OSBPL3: variants seen among roughly 807,000 people sequenced by gnomAD.
OSBPL3 encodes oxysterol-binding protein-related protein 3.
OSBPL3 carries 65 observed loss-of-function variants against 120.1 expected under a neutral mutation model. The ratio of observed to expected loss-of-function variants is 0.54; its 90% CI spans 0.44 to 0.67. OSBPL3 has a LOEUF of 0.67. Ranked by LOEUF, OSBPL3 falls within the 30% of genes least tolerant of loss-of-function variation. The pLI is 0.00. For synonymous variants in OSBPL3, 416 were observed against 402.6 expected (o/e 1.03, Z -0.40); for missense variants, 1,004 against 1,082.1 (o/e 0.93, Z 1.01).
chr7:24,957,844 G>A (rs1305447361), intron 1 of OSBPL3, among the ~76,000 whole-genome samples: 1 of 152,090 alleles, frequency 6.6e-6, no homozygotes, highest in Admixed American at 6.5e-5. Flanking sequence ...TTCTGTACTT[G>A]TTTTATCAGA....
At chr7:24,927,818 C>T (rs1811248378) in intron 1 of OSBPL3, among the ~76,000 whole-genome samples, 1 of 152,156 alleles carries the variant, frequency 6.6e-6, no homozygotes, top group African/African-American at 2.4e-5. Context: ...TCTCACTACC[C>T]TATCTCTTTT....
chr7:24,911,447 T>G (rs2128418636), intron 1 of OSBPL3, among the ~76,000 whole-genome samples: 1 of 152,322 alleles, frequency 6.6e-6, no homozygotes, highest in African/African-American at 2.4e-5. Context: ...AAAAATCAAC[T>G]TATCATCTTT....
In OSBPL3 at chr7:24,822,391, G is replaced by C. The variant is rs965487399; in HGVS notation, c.1885-2153C>G. On this transcript the variant is annotated intron_variant, in intron 16 of 22. Transcript: ENST00000313367. This position sits in a 1 kb window ranked among gnomAD's most constrained non-coding sequence, Gnocchi z 5.8. ...AAGGATCCCTTGAGCCCAGGATCCAGGAGTTCAAGACCAGCCTGGGCAACA... is the reference window on the plus strand; with the variant it reads ...AAGGATCCCTTGAGCCCAGGATCCACGAGTTCAAGACCAGCCTGGGCAACA... Among the ~76,000 whole-genome samples the C allele has an allele frequency of 2.0e-5, 3 of 152,202 alleles. No homozygotes were observed. The highest frequency in any genetic ancestry group is 3.4e-3 in the Middle Eastern group (1 of 294).
chr7:24,927,654 T>C (rs1475560825), intron 1 of OSBPL3, among the ~76,000 whole-genome samples: 1 of 152,176 alleles, frequency 6.6e-6, no homozygotes, highest in Non-Finnish European at 1.5e-5. Flanking sequence ...CACTTGCTTG[T>C]AGTTATGTCT....
At chr7:24,980,835 G>A (rs375289947), upstream of OSBPL3, among the ~76,000 whole-genome samples, 12 of 152,252 alleles carry the variant, frequency 7.9e-5, no homozygotes, top group East Asian at 9.7e-4. Flanking sequence ...GGGGTAGGAG[G>A]TGGGGAGAGC....
chr7:24,889,611 G>T (rs1168943272), intron 2 of OSBPL3, among the ~76,000 whole-genome samples: 1 of 151,846 alleles, frequency 6.6e-6, no homozygotes, highest in East Asian at 1.9e-4. Flanking sequence ...GAAAAAAAAA[G>T]AATAATGTGG....
At chr7:24,950,604 C>A (rs1259659141) in intron 1 of OSBPL3, among the ~76,000 whole-genome samples, 1 of 152,204 alleles carries the variant, frequency 6.6e-6, no homozygotes, top group African/African-American at 2.4e-5. Flanking sequence ...TGCCTGTAGT[C>A]CCAGCTACTT....
At position 24,806,837 on chromosome 7, in the gene OSBPL3, T is replaced by G; in HGVS notation, c.2383A>C (p.Met795Leu). ...FTQFALELNE[M>L]DPSSKSLLPP... Reference sequence around the variant, plus strand: ...AATAAAGACTTTGATGATGGATCCATTTCATTTAATTCCAGCGCAAACTGT... The same window carrying G: ...AATAAAGACTTTGATGATGGATCCAGTTCATTTAATTCCAGCGCAAACTGT... Residue 795 changes from methionine to leucine, a missense_variant, in exon 21 of 23, where the codon ATG becomes CTG. By Grantham distance (15) the Met-to-Leu change is conservative (BLOSUM62 2). Around this residue, in one of 4 missense-constraint regions of OSBPL3, gnomAD observed 473 missense variants for 568.0 expected, o/e 0.83. Transcript: ENST00000313367. The surrounding 1 kb of genome is among the most constrained non-coding windows in gnomAD (Gnocchi z 5.2). The G allele has an allele frequency of 6.2e-7, 1 of 1,613,420 alleles. No individual in the cohort carries two copies.
In OSBPL3 at chr7:24,972,858, A is replaced by G. The variant is rs772395195; in HGVS notation, c.-150+7028T>C. Reference sequence around the variant, plus strand: ...ATATTTGTTTTATAAGATGTAAACTATAATTTTAAAGTTCTTGTAACTATT... The same window carrying G: ...ATATTTGTTTTATAAGATGTAAACTGTAATTTTAAAGTTCTTGTAACTATT... On this transcript the variant is annotated intron_variant, in intron 1 of 22. Coordinates refer to ENST00000313367, the MANE Select transcript of OSBPL3 (RefSeq NM_015550.4). This position sits in a 1 kb window ranked among gnomAD's most constrained non-coding sequence, Gnocchi z 4.3. Among the ~76,000 whole-genome samples, 1 of 152,224 alleles carries G rather than the reference A, an allele frequency of 6.6e-6. No individual in the cohort carries two copies. The highest frequency in any genetic ancestry group is 1.5e-5 in the Non-Finnish European group (1 of 68,044).
At chr7:24,876,542 T>C (rs180679161) in intron 2 of OSBPL3, among the ~76,000 whole-genome samples, 48 of 152,284 alleles carry the variant, frequency 3.2e-4, no homozygotes, top group African/African-American at 1.2e-3. Context: ...AGTATATATT[T>C]AGTAGGAACT....
In OSBPL3 at chr7:24,872,092, G is replaced by A. The variant is rs374718413; in HGVS notation, c.97-23C>T. 9.7e-6 allele frequency: 14 copies of A among 1,442,656 alleles called. No homozygotes were observed. Among genetic ancestry groups the A allele is most frequent in the African/African-American group, 4.2e-5 (3 of 71,542 alleles). 89.4% of individuals were successfully genotyped at this position (1,442,656 alleles called of 1,614,324 possible). ...GTCCTGTTCCAACAAAAGAGTTCAT[G>A]TTAAATGTCTATCTTTTTGAAAAAT... On this transcript the variant is annotated intron_variant, in intron 2 of 22. Coordinates refer to ENST00000313367, the MANE Select transcript of OSBPL3 (RefSeq NM_015550.4). This position sits in a 1 kb window ranked among gnomAD's most constrained non-coding sequence, Gnocchi z 4.1.
At chr7:24,866,793 G>GT (rs1801378398) in intron 5 of OSBPL3, among the ~76,000 whole-genome samples, 4 of 152,248 alleles carry the variant, frequency 2.6e-5, no homozygotes, top group Admixed American at 1.3e-4. Flanking sequence ...CTTTCTATGA[G>GT]TAAGTCCAAC....
chr7:24,930,929 C>T lies in OSBPL3; in HGVS notation c.-149-38308G>A, dbSNP rs2391007. 0.64 allele frequency among the ~76,000 whole-genome samples: 97,641 copies of T among 152,080 alleles called. 31,537 individuals are homozygous for T. The highest frequency in any genetic ancestry group is 0.66 in the African/African-American group (27,366 of 41,460). On this transcript the variant is annotated intron_variant, in intron 1 of 22. Transcript: ENST00000313367. This position sits in a 1 kb window ranked among gnomAD's most constrained non-coding sequence, Gnocchi z 4.4. ...CATACATGGTAGAATGTGAAGATGA[C>T]TTTTTTAATTCCAAAAATTATTTAA...
chr7:24,815,386 G>A lies in OSBPL3; in HGVS notation c.2028-183C>T, dbSNP rs894266462. ...TCTAGGAGCTTCCACTCTCCAAGGA[G>A]GCATGCATGCCACAGAGAATGACAG... On this transcript the variant is annotated intron_variant, in intron 18 of 22. Transcript: ENST00000313367. The surrounding 1 kb of genome is among the most constrained non-coding windows in gnomAD (Gnocchi z 5.1). Among the ~76,000 whole-genome samples the A allele has an allele frequency of 1.2e-4, 18 of 152,160 alleles. No individual in the cohort carries two copies. The highest frequency in any genetic ancestry group is 4.3e-4 in the African/African-American group (18 of 41,424).
rs1791901301 is a variant in OSBPL3 at position 24,798,002 on chromosome 7, A to G, written c.*2181T>C. ...GCTTATAATATCAGGATGCATCACC[A>G]AGCTGTTTAAATTTCAGAAAAGCCC... On this transcript the variant is annotated 3_prime_UTR_variant, in exon 23 of 23. Transcript: ENST00000313367. This position sits in a 1 kb window ranked among gnomAD's most constrained non-coding sequence, Gnocchi z 4.6. 1 of 152,204 alleles carries G rather than the reference A, an allele frequency of 6.6e-6. No individual in the cohort carries two copies. Among genetic ancestry groups the G allele is most frequent in the Non-Finnish European group, 1.5e-5 (1 of 68,038 alleles). The allele number at this position is 152,204 out of a possible 1,614,324, so 9.4% of individuals were successfully genotyped here.
chr7:24,917,993 C>G, intron 1 of OSBPL3: 1 of 719,452 alleles, frequency 1.4e-6, no homozygotes, highest in Non-Finnish European at 1.7e-6. Flanking sequence ...ACGATCCTGT[C>G]TAGCTTTCAA....
intron 1 of OSBPL3, among the ~76,000 whole-genome samples, chr7:24,970,960 G>A (rs1347835877): frequency 6.6e-6 from 1 of 152,190 alleles, no homozygotes; most frequent in Non-Finnish European, 1.5e-5. Flanking sequence ...CAAAGTAAAA[G>A]CCTTTAGAAA....
rs1285744901 is a variant in OSBPL3 at position 24,819,268 on chromosome 7, A to AT, written c.1948+906_1948+907insA. On this transcript the variant is annotated intron_variant, in intron 17 of 22. Transcript: ENST00000313367. This position sits in a 1 kb window ranked among gnomAD's most constrained non-coding sequence, Gnocchi z 4.1. ...CTCCATTTCAAAAAAAAAAAAAAAA[A>AT]ATCCAACTTTTGAAAAAACAAAGAA... Among the ~76,000 whole-genome samples the AT allele has an allele frequency of 6.6e-6, 1 of 151,910 alleles. No individual in the cohort carries two copies. The highest frequency in any genetic ancestry group is 1.5e-5 in the Non-Finnish European group (1 of 67,980).
chr7:24,976,339 TTAAA>T (rs1169212751), intron 1 of OSBPL3, among the ~76,000 whole-genome samples: 1 of 152,160 alleles, frequency 6.6e-6, no homozygotes, highest in Non-Finnish European at 1.5e-5. Flanking sequence ...ATGACAGTGC[TTAAA>T]TAATTTACCT....
Sources: gnomAD v4.1 joint callset for allele counts (sites outside exome capture counted in the v4.1 genomes callset) on GRCh38, gnomAD v4.1.1 for gene constraint, gnomAD v4.1.1 regional missense constraint, Gnocchi (gnomAD v3.1) non-coding constraint, MANE v1.5 for transcripts, NCBI Gene and HGNC (gene_info 2026-07-23, HGNC 2026-07-21) for gene names.